Variants in JADE1 observed in about 807,000 individuals in gnomAD.
JADE1 encodes jade family PHD finger 1, also known as protein Jade-1.
A neutral mutation model predicts 81.8 loss-of-function variants in JADE1; 14 were observed. The ratio of observed to expected loss-of-function variants is 0.17; its 90% CI spans 0.11 to 0.27. JADE1 has a LOEUF of 0.27. Among genes scored for constraint, JADE1 ranks in the 10% least tolerant of loss-of-function variants. The probability of loss-of-function intolerance (pLI) is 1.00; values close to 1 mark genes in which losing one functional copy is unlikely to be tolerated. For missense variants in JADE1, 690 were observed against 1,047.9 expected, an observed-to-expected ratio of 0.66 and a Z score of 4.71; for synonymous variants, 353 against 391.9, an observed-to-expected ratio of 0.90 and a Z score of 1.17.
chr4:128,867,423 G>T (rs756584002), intron 9 of JADE1, among the ~76,000 whole-genome samples: 24 of 152,238 alleles, frequency 1.6e-4, no homozygotes, highest in Non-Finnish European at 2.8e-4. Flanking sequence ...AAGTGCAGAA[G>T]TGGCTTCTGA....
At chr4:128,852,843 G>A (rs1164365912) in intron 6 of JADE1, among the ~76,000 whole-genome samples, 1 of 152,060 alleles carries the variant, frequency 6.6e-6, no homozygotes, top group Non-Finnish European at 1.5e-5. Flanking sequence ...GGGCAATCTT[G>A]GGCATTCCTT....
At chr4:128,811,622 C>G (rs1726383412) in intron 1 of JADE1, among the ~76,000 whole-genome samples, 1 of 111,978 alleles carries the variant, frequency 8.9e-6, no homozygotes, top group Non-Finnish European at 2.0e-5. Flanking sequence ...GTCCCAGCTG[C>G]GCCGCCCGGG....
chr4:128,855,779 T>C lies in JADE1; in HGVS notation c.846T>C (p.Cys282=), dbSNP rs542849171. ...GAACCAAGTGGGTCCACGTTAGCTG[T>C]GCTCTGTGGATCCCTGAGGTACGTG... ...RSGTKWVHVS[C]ALWIPEVSIG... The change falls in exon 7 of 11, where the codon TGT becomes TGC. Residue 282 remains cysteine, a synonymous_variant. Coordinates refer to ENST00000226319, the MANE Select transcript of JADE1 (RefSeq NM_199320.4). 5 of 1,609,932 alleles carry C rather than the reference T, an allele frequency of 3.1e-6. No individual in the cohort carries two copies. The highest frequency in any genetic ancestry group is 2.7e-5 in the African/African-American group (2 of 74,844).
chr4:128,841,380 G>A (rs1012423137), intron 2 of JADE1, among the ~76,000 whole-genome samples: 25 of 152,168 alleles, frequency 1.6e-4, no homozygotes, highest in Non-Finnish European at 3.2e-4. Flanking sequence ...AGTTGTCTTT[G>A]TAACAAATTA....
intron 8 of JADE1, among the ~76,000 whole-genome samples, chr4:128,859,553 GTGTA>G (rs1367255385): frequency 1.8e-5 from 2 of 109,758 alleles, no homozygotes; most frequent in African/African-American, 5.0e-5. Flanking sequence ...GCGTGTATAT[GTGTA>G]TGTGTGTGAG....
intron 3 of JADE1, among the ~76,000 whole-genome samples, chr4:128,844,646 G>C (rs1271907782): frequency 6.6e-6 from 1 of 152,060 alleles, no homozygotes; most frequent in Non-Finnish European, 1.5e-5. Flanking sequence ...TTTTCTCTTG[G>C]GGGCCAGGGA....
At chr4:128,857,987 G>A (rs558113217) in intron 8 of JADE1, among the ~76,000 whole-genome samples, 63 of 152,146 alleles carry the variant, frequency 4.1e-4, no homozygotes, top group Non-Finnish European at 7.2e-4. Context: ...CTTTGAACAC[G>A]GCCTGGGTAG....
chr4:128,858,201 A>T (rs1730961085), intron 8 of JADE1, among the ~76,000 whole-genome samples: 1 of 152,144 alleles, frequency 6.6e-6, no homozygotes, highest in African/African-American at 2.4e-5. Context: ...ATGTCATGAG[A>T]TAGGGGAATT....
intron 1 of JADE1, among the ~76,000 whole-genome samples, chr4:128,830,111 C>T (rs1401346895): frequency 2.0e-5 from 3 of 151,006 alleles, no homozygotes; most frequent in African/African-American, 4.9e-5. Context: ...CTGCTGACCT[C>T]GTGATCCTCC....
Position 128,842,962 on chromosome 4 carries a change from C to T in JADE1, c.62C>T (p.Thr21Ile), listed in dbSNP as rs764219838. The change falls in exon 3 of 11, where the codon ACT becomes ATT. Residue 21 changes from threonine (T) to isoleucine (I), a missense_variant. By Grantham distance (89) the Thr-to-Ile change is moderately conservative. Transcript: ENST00000226319. ...EDSDDNGSLS[T>I]TWSQNSRSQH... ...ATATTTGTTTCTTTAGGCCTGTCAA[C>T]TACTTGGTCCCAGAATTCCCGATCC... 1.2e-6 allele frequency: 2 copies of T among 1,613,818 alleles called. No homozygotes were observed. The highest frequency in any genetic ancestry group is 2.2e-5 in the South Asian group (2 of 91,084).
intron 8 of JADE1, 114 bp downstream of exon 8, chr4:128,857,568 A>C (rs1730898765): frequency 1.2e-6 from 1 of 817,646 alleles, no homozygotes; most frequent in Admixed American, 2.2e-5. Flanking sequence ...GAATCCAGGA[A>C]GCAGGACGAG....
chr4:128,858,214 G>A (rs770783729), intron 8 of JADE1, among the ~76,000 whole-genome samples: 2 of 152,194 alleles, frequency 1.3e-5, no homozygotes, highest in Non-Finnish European at 2.9e-5. Context: ...GGGGAATTAA[G>A]GAGGGAATAT....
At position 128,825,802 on chromosome 4, in the gene JADE1, A is replaced by G. The variant is rs112397516; in HGVS notation, c.-26-5931A>G. ...TAACCCACATGACAGAAGGGATCCA[A>G]GGAGAGAGTAATCTGCATATAATCT... On this transcript the variant is annotated intron_variant, in intron 1 of 10. Transcript: ENST00000226319. Among the ~76,000 whole-genome samples, 816 of 152,336 alleles carry G rather than the reference A, an allele frequency of 5.4e-3. 9 individuals are homozygous for G. Among genetic ancestry groups the G allele is most frequent in the African/African-American group, 0.018 (768 of 41,566 alleles).
chr4:128,855,218 G>GCTT (rs1560765748), intron 6 of JADE1, among the ~76,000 whole-genome samples: 1 of 152,168 alleles, frequency 6.6e-6, no homozygotes, highest in Non-Finnish European at 1.5e-5. Context: ...TAGAGAAATA[G>GCTT]CTTCTCTCAC....
chr4:128,860,925 TC>T (rs929773647), intron 8 of JADE1, among the ~76,000 whole-genome samples: 1 of 152,112 alleles, frequency 6.6e-6, no homozygotes, highest in African/African-American at 2.4e-5. Flanking sequence ...TGAAGCTTCT[TC>T]GCAAGTGTGA....
At chr4:128,813,407 CTTTTTTTTTTTT>C (rs72296886) in intron 1 of JADE1, among the ~76,000 whole-genome samples, 2 of 115,568 alleles carry the variant, frequency 1.7e-5, no homozygotes, top group East Asian at 5.0e-4. Flanking sequence ...CTTACGGTCA[CTTTTTTTTTTTT>C]TTTTTTTTGT....
intron 6 of JADE1, among the ~76,000 whole-genome samples, chr4:128,853,636 G>A (rs942342906): frequency 6.6e-6 from 1 of 152,154 alleles, no homozygotes; most frequent in Non-Finnish European, 1.5e-5. Flanking sequence ...ATATTCTTAG[G>A]ATTTAAAAGG....
rs368196518 is a variant in JADE1 at position 128,872,248 on chromosome 4, A to G, written c.2515A>G (p.Ile839Val). Residue 839 changes from isoleucine to valine, a missense_variant, in exon 11 of 11, where the codon ATC (isoleucine) becomes GTC (valine). This residue lies in a region of JADE1 where 218 missense variants were observed against 274.3 expected (regional missense o/e 0.79). Coordinates refer to ENST00000226319, the MANE Select transcript of JADE1 (RefSeq NM_199320.4). ...SRRTDIIRRS[I>V]LAS is the part of the protein sequence containing the mutation. ...AAGGACAGACATTATCAGGAGAAGCATCTTGGCTTCTTGATGCAACAGAGA... is the reference window on the plus strand; with the variant it reads ...AAGGACAGACATTATCAGGAGAAGCGTCTTGGCTTCTTGATGCAACAGAGA... 8.7e-6 allele frequency: 14 copies of G among 1,613,204 alleles called. No homozygotes were observed. Among genetic ancestry groups the G allele is most frequent in the African/African-American group, 8.0e-5 (6 of 74,916 alleles).
intron 10 of JADE1, among the ~76,000 whole-genome samples, chr4:128,870,439 T>C (rs1030232095): frequency 7.9e-5 from 12 of 152,200 alleles, no homozygotes; most frequent in Non-Finnish European, 1.6e-4. Context: ...TCTTTCTAGA[T>C]GATCTTGAGG....
Sources: gnomAD v4.1 joint callset for allele counts (sites outside exome capture counted in the v4.1 genomes callset) on GRCh38, gnomAD v4.1.1 for gene constraint, gnomAD v4.1.1 regional missense constraint, MANE v1.5 for transcripts, NCBI Gene and HGNC (gene_info 2026-07-23, HGNC 2026-07-21) for gene names.